OXR1: variants seen among roughly 807,000 people sequenced by gnomAD.
OXR1 encodes the protein oxidation resistance 1, also known as oxidation resistance protein 1.
OXR1 carries 41 observed loss-of-function variants against 104.6 expected under a neutral mutation model. The observed-to-expected ratio is 0.39, with a 90% confidence interval of 0.31 to 0.51. OXR1 has a LOEUF of 0.51. OXR1 is among the 20% of genes least tolerant of loss of function. The pLI is 0.77. For missense variants in OXR1, 955 were observed against 1,031.9 expected, an observed-to-expected ratio of 0.93 and a Z score of 1.02; for synonymous variants, 348 against 348.4, an observed-to-expected ratio of 1.00 and a Z score of 0.01.
chr8:106,352,818 A>T (rs1171946294), intron 1 of OXR1, among the ~76,000 whole-genome samples: 1 of 152,218 alleles, frequency 6.6e-6, no homozygotes, highest in African/African-American at 2.4e-5. Context: ...TATAAATCTG[A>T]TAGCTGGGTA....
intron 1 of OXR1, among the ~76,000 whole-genome samples, chr8:106,271,022 G>A (rs1811779763): frequency 6.6e-6 from 1 of 152,108 alleles, no homozygotes; most frequent in Non-Finnish European, 1.5e-5. Context: ...TTGGGAACTG[G>A]CTGGGGAAAG....
chr8:106,733,180 T>C (rs1000608770), intron 11 of OXR1, among the ~76,000 whole-genome samples: 3 of 152,172 alleles, frequency 2.0e-5, no homozygotes, highest in Non-Finnish European at 4.4e-5. Context: ...GCATGCATTA[T>C]CTGTTTCTTC....
intron 3 of OXR1, among the ~76,000 whole-genome samples, chr8:106,643,114 G>C (rs1823796242): frequency 6.6e-6 from 1 of 152,144 alleles, no homozygotes; most frequent in African/African-American, 2.4e-5. Context: ...TCAGTAATTA[G>C]GGATACCGAA....
intron 3 of OXR1, among the ~76,000 whole-genome samples, chr8:106,541,083 C>T (rs559782157): frequency 1.3e-5 from 2 of 152,156 alleles, no homozygotes; most frequent in Non-Finnish European, 2.9e-5. Context: ...TCATTTTCTA[C>T]ATCAGTAAAA....
chr8:106,730,608 ACTT>A (rs888132968), intron 11 of OXR1, among the ~76,000 whole-genome samples: 1 of 152,124 alleles, frequency 6.6e-6, no homozygotes, highest in African/African-American at 2.4e-5. Context: ...GGTTTTATCC[ACTT>A]CTTTACCCAT....
At chr8:106,515,454 C>T (rs929502432) in intron 2 of OXR1, among the ~76,000 whole-genome samples, 1 of 152,102 alleles carries the variant, frequency 6.6e-6, no homozygotes, top group African/African-American at 2.4e-5. Context: ...ACATTATACC[C>T]ATCTAAATTC....
intron 1 of OXR1, among the ~76,000 whole-genome samples, chr8:106,281,386 G>A (rs1010246926): frequency 4.6e-5 from 7 of 152,170 alleles, no homozygotes; most frequent in Non-Finnish European, 7.4e-5. Context: ...GCAATAGAAA[G>A]GAATAGAGGG....
chr8:106,415,038 G>A (rs1818613310), intron 2 of OXR1, among the ~76,000 whole-genome samples: 2 of 152,178 alleles, frequency 1.3e-5, no homozygotes, highest in South Asian at 4.1e-4. Flanking sequence ...TTTAATCTGA[G>A]TCATCCTTCA....
chr8:106,437,782 CTCAT>C (rs1435488549), intron 2 of OXR1, among the ~76,000 whole-genome samples: 1 of 152,068 alleles, frequency 6.6e-6, no homozygotes, highest in Non-Finnish European at 1.5e-5. Context: ...TAAAGCAAAA[CTCAT>C]TCACTCAGAC....
At chr8:106,442,715 T>C (rs927719922) in intron 2 of OXR1, among the ~76,000 whole-genome samples, 3 of 152,242 alleles carry the variant, frequency 2.0e-5, no homozygotes, top group Non-Finnish European at 4.4e-5. Flanking sequence ...GAAGTGTTTA[T>C]AGTATTCTCT....
chr8:106,551,901 TA>T (rs1815867547), intron 3 of OXR1, among the ~76,000 whole-genome samples: 3 of 145,200 alleles, frequency 2.1e-5, no homozygotes, highest in Non-Finnish European at 4.5e-5. Flanking sequence ...TGTGTGTGTG[TA>T]TTTATATATA....
In OXR1 at chr8:106,699,793, C is replaced by G. The variant is rs114909971; in HGVS notation, c.676-3113C>G. On this transcript the variant is annotated intron_variant, in intron 7 of 16. Transcript: ENST00000517566. ...AGATAAGCAGGAAGTGGTGCTTTCT[C>G]ATGGAAGTCGTTTTTTCTTTTTTCA... is the stretch of plus-strand genomic sequence containing the variant. Among the ~76,000 whole-genome samples, 555 of 152,272 alleles carry G rather than the reference C, an allele frequency of 3.6e-3. 3 individuals are homozygous for G. Among genetic ancestry groups the G allele is most frequent in the African/African-American group, 0.012 (517 of 41,570 alleles).
chr8:106,397,241 G>A (rs1416510922), intron 2 of OXR1, among the ~76,000 whole-genome samples: 1 of 152,016 alleles, frequency 6.6e-6, no homozygotes, highest in Admixed American at 6.6e-5. Context: ...CTAATGATAT[G>A]TATATAAATT....
At chr8:106,720,600 T>C in intron 11 of OXR1, 1 of 363,076 alleles carries the variant, frequency 2.8e-6, no homozygotes, top group South Asian at 1.1e-4. Context: ...GCCTTGATTT[T>C]TAAGAAAACA....
intron 1 of OXR1, among the ~76,000 whole-genome samples, chr8:106,340,199 T>C (rs1337406527): frequency 1.4e-5 from 2 of 146,310 alleles, no homozygotes; most frequent in African/African-American, 5.4e-5. Flanking sequence ...AGGATGTGAT[T>C]GGAACAGTTG....
intron 2 of OXR1, among the ~76,000 whole-genome samples, chr8:106,383,500 T>C (rs1817245611): frequency 6.6e-6 from 1 of 152,188 alleles, no homozygotes; most frequent in Non-Finnish European, 1.5e-5. Context: ...TATGAAGAAA[T>C]TGATGCAATG....
Position 106,743,899 on chromosome 8 carries a change from C to A in OXR1, c.2412+1582C>A, listed in dbSNP as rs1382320029. ...ATAAAGAAAATGTGGTACATATACA[C>A]CATGGAATACACCATATACACCATG... On this transcript the variant is annotated intron_variant, in intron 15 of 16. Transcript: ENST00000517566. Among the ~76,000 whole-genome samples the A allele has an allele frequency of 2.0e-5, 3 of 152,144 alleles. No individual in the cohort carries two copies. The East Asian group carries it at 5.8e-4, about 29-fold the overall frequency.
At chr8:106,282,934 T>C (rs1055896590) in intron 1 of OXR1, among the ~76,000 whole-genome samples, 11 of 152,238 alleles carry the variant, frequency 7.2e-5, no homozygotes, top group African/African-American at 2.4e-4. Context: ...TGAAATCCTA[T>C]GTATCTCATT....
At chr8:106,367,328 G>C (rs1047605385) in intron 2 of OXR1, among the ~76,000 whole-genome samples, 10 of 152,016 alleles carry the variant, frequency 6.6e-5, no homozygotes, top group Non-Finnish European at 1.2e-4. Context: ...CTCCCAAAGT[G>C]CTGGGATTAC....
Sources: allele counts gnomAD v4.1 joint callset (sites outside exome capture counted in the v4.1 genomes callset), GRCh38; gene constraint gnomAD v4.1.1; transcripts MANE v1.5; gene names NCBI Gene and HGNC (gene_info 2026-07-23, HGNC 2026-07-21).